PARPBP: variants seen among roughly 807,000 people sequenced by gnomAD.
PARPBP encodes the protein PARP1 binding protein.
A neutral mutation model predicts 50.0 loss-of-function variants in PARPBP; 52 were observed. That is an observed-to-expected ratio of 1.04 (90% CI 0.83 to 1.31). The LOEUF (loss-of-function observed/expected upper bound fraction) is 1.31. PARPBP is among the 50% of genes most tolerant of loss of function. The pLI is 0.00. For synonymous variants in PARPBP, 244 were observed against 232.1 expected (o/e 1.05, Z -0.47); for missense variants, 697 against 672.0 (o/e 1.04, Z -0.41).
intron 9 of PARPBP, among the ~76,000 whole-genome samples, chr12:102,188,146 T>G: frequency 6.6e-6 from 1 of 152,116 alleles, no homozygotes; most frequent in East Asian, 1.9e-4. Context: ...TATTTTTACC[T>G]AGGACACATA....
At chr12:102,186,425 G>GT (rs1565902991) in intron 9 of PARPBP, among the ~76,000 whole-genome samples, 2 of 151,750 alleles carry the variant, frequency 1.3e-5, no homozygotes, top group African/African-American at 4.8e-5. Context: ...CTTATTTGAA[G>GT]TTTTTCTTGT....
chr12:102,131,119 T>A (rs1300286633), intron 2 of PARPBP, among the ~76,000 whole-genome samples: 1 of 151,604 alleles, frequency 6.6e-6, no homozygotes, highest in Non-Finnish European at 1.5e-5. Flanking sequence ...GAGGTCAGGA[T>A]TTTGAGACCA....
chr12:102,190,042 C>G (rs916698127), intron 9 of PARPBP, among the ~76,000 whole-genome samples: 1 of 151,980 alleles, frequency 6.6e-6, no homozygotes, highest in Non-Finnish European at 1.5e-5. Context: ...GCTTGTGTTC[C>G]TAGGGTGATG....
intron 4 of PARPBP, among the ~76,000 whole-genome samples, chr12:102,156,786 C>T (rs963610720): frequency 2.6e-5 from 4 of 152,186 alleles, no homozygotes; most frequent in South Asian, 2.1e-4. Context: ...GGATTACAAG[C>T]GTGCACCACC....
intron 2 of PARPBP, among the ~76,000 whole-genome samples, chr12:102,137,954 G>A (rs201522981): frequency 3.9e-5 from 6 of 152,026 alleles, no homozygotes; most frequent in East Asian, 1.9e-4. Flanking sequence ...GAATAGTGTC[G>A]CAATAAACAT....
At chr12:102,132,631 G>C (rs1193724337) in intron 2 of PARPBP, among the ~76,000 whole-genome samples, 2 of 152,062 alleles carry the variant, frequency 1.3e-5, no homozygotes, top group Non-Finnish European at 2.9e-5. Context: ...TGTTTTTGCT[G>C]TTTGGGGTCT....
chr12:102,128,921 C>T (rs1308036405), intron 2 of PARPBP, among the ~76,000 whole-genome samples: 1 of 152,134 alleles, frequency 6.6e-6, no homozygotes, highest in East Asian at 1.9e-4. Flanking sequence ...AATTACATTT[C>T]CACCAACAGT....
intron 7 of PARPBP, among the ~76,000 whole-genome samples, chr12:102,176,782 T>C (rs2136708784): frequency 6.6e-6 from 1 of 152,354 alleles, no homozygotes; most frequent in Middle Eastern, 3.4e-3. Context: ...GGGACCACTT[T>C]TAGCTATTTT....
rs772217793 is a variant in PARPBP at position 102,178,591 on chromosome 12, G to A, written c.1006-1G>A. The A allele has an allele frequency of 1.9e-6, 3 of 1,564,216 alleles. No individual in the cohort carries two copies. Among genetic ancestry groups the A allele is most frequent in the Non-Finnish European group, 2.6e-6 (3 of 1,155,130 alleles). Reference sequence around the variant, plus strand: ...TTACCTAAAATTATTTTTTGTCTCAGCCAAAATCTCATGCCATAAACCATG... The same window carrying A: ...TTACCTAAAATTATTTTTTGTCTCAACCAAAATCTCATGCCATAAACCATG... On this transcript the variant is annotated splice_acceptor_variant, in intron 7 of 10. Transcript: ENST00000327680. LOFTEE classifies it high-confidence loss of function.
intron 9 of PARPBP, 92 bp downstream of exon 9, chr12:102,182,719 T>A (rs752862687): frequency 9.7e-6 from 8 of 825,498 alleles, no homozygotes; most frequent in Non-Finnish European, 1.6e-5. Context: ...TTGTAAATAT[T>A]GTAAACATTG....
intron 2 of PARPBP, among the ~76,000 whole-genome samples, chr12:102,144,572 C>G (rs766686527): frequency 5.3e-5 from 8 of 152,102 alleles, no homozygotes; most frequent in Non-Finnish European, 8.8e-5. Context: ...CACTGTTAAT[C>G]TAGTCAAAAC....
intron 4 of PARPBP, among the ~76,000 whole-genome samples, chr12:102,156,712 A>G (rs748779487): frequency 6.6e-6 from 1 of 151,984 alleles, no homozygotes; most frequent in Non-Finnish European, 1.5e-5. Context: ...CACGATCTCC[A>G]CTTACTGCAA....
intron 8 of PARPBP, among the ~76,000 whole-genome samples, chr12:102,181,679 G>A (rs1053440115): frequency 6.6e-6 from 1 of 152,082 alleles, no homozygotes; most frequent in Non-Finnish European, 1.5e-5. Context: ...GTGCTTTTGG[G>A]TAGGGGCGGG....
At chr12:102,130,932 GC>G (rs1486573946) in intron 2 of PARPBP, among the ~76,000 whole-genome samples, 1 of 151,858 alleles carries the variant, frequency 6.6e-6, no homozygotes, top group Non-Finnish European at 1.5e-5. Context: ...CATACATGTG[GC>G]CAACAAGCAT....
chr12:102,194,853 G>A (rs1891124668), intron 9 of PARPBP, among the ~76,000 whole-genome samples: 1 of 150,650 alleles, frequency 6.6e-6, no homozygotes, highest in African/African-American at 2.4e-5. Context: ...TTTCATCTTA[G>A]CATTTCTTCC....
In PARPBP at chr12:102,123,978, T is replaced by C; in HGVS notation, c.90T>C (p.Thr30=). ...WRALCNSERT[T]LCGADSMLLA... ...CTCTTTGTAACTCTGAGAGAACTACTCTATGTGGTGCAGACTCCATGCTCT... is the reference window on the plus strand; with the variant it reads ...CTCTTTGTAACTCTGAGAGAACTACCCTATGTGGTGCAGACTCCATGCTCT... The change falls in exon 2 of 11, where the codon ACT becomes ACC. Residue 30 remains threonine (T), a synonymous_variant. Transcript: ENST00000327680. 6.5e-7 allele frequency: 1 copy of C among 1,534,006 alleles called. No individual in the cohort carries two copies. Among genetic ancestry groups the C allele is most frequent in the Middle Eastern group, 1.7e-4 (1 of 5,986 alleles).
At chr12:102,154,151 AAG>A (rs1886578670) in intron 4 of PARPBP, among the ~76,000 whole-genome samples, 175 bp downstream of exon 4, 1 of 152,222 alleles carries the variant, frequency 6.6e-6, no homozygotes, top group South Asian at 2.1e-4. Context: ...AATGTGATAA[AAG>A]AGTCTTTATG....
chr12:102,187,828 G>A (rs1019774615), intron 9 of PARPBP, among the ~76,000 whole-genome samples: 6 of 152,040 alleles, frequency 3.9e-5, no homozygotes, highest in Non-Finnish European at 8.8e-5. Context: ...CACCATTCTC[G>A]CTACGATAGC....
chr12:102,134,681 T>C (rs1883360198), intron 2 of PARPBP, among the ~76,000 whole-genome samples: 2 of 152,144 alleles, frequency 1.3e-5, no homozygotes, highest in African/African-American at 4.8e-5. Context: ...TGTTTTTGTC[T>C]CTTGTTTTTG....
Sources: allele counts gnomAD v4.1 joint callset (sites outside exome capture counted in the v4.1 genomes callset), GRCh38; gene constraint gnomAD v4.1.1; transcripts MANE v1.5; gene names NCBI Gene and HGNC (gene_info 2026-07-23, HGNC 2026-07-21).